PCDH15: variants seen among roughly 807,000 people sequenced by gnomAD.
PCDH15 encodes the protein protocadherin related 15.
Under a neutral mutation model 178.5 loss-of-function variants are expected in PCDH15, and 129 were observed. That is an observed-to-expected ratio of 0.72 (90% confidence interval 0.63 to 0.84). The LOEUF is 0.84. Among genes scored for constraint, PCDH15 ranks in the 40% least tolerant of loss-of-function variants. PCDH15 has a pLI of 0.00. For synonymous variants in PCDH15, 800 were observed against 732.0 expected, an observed-to-expected ratio of 1.09 and a Z score of -1.50; for missense variants, 2,230 against 2,099.9, an observed-to-expected ratio of 1.06 and a Z score of -1.21.
At chr10:53,986,229 A>C (rs1339246249) in intron 21 of PCDH15, among the ~76,000 whole-genome samples, 1 of 152,240 alleles carries the variant, frequency 6.6e-6, no homozygotes, top group South Asian at 2.1e-4. Context: ...AAATGTGCTC[A>C]ACATCATTAG....
intron 1 of PCDH15, among the ~76,000 whole-genome samples, chr10:54,701,887 G>A (rs2095312418): frequency 6.6e-6 from 1 of 152,030 alleles, no homozygotes; most frequent in Non-Finnish European, 1.5e-5. Context: ...GACAGTATTA[G>A]ACAGATAATC....
chr10:54,684,703 G>A lies in PCDH15; in HGVS notation c.-28-20413C>T, dbSNP rs140734410. Among the ~76,000 whole-genome samples, 834 of 152,142 alleles carry A rather than the reference G, an allele frequency of 5.5e-3. 3 individuals carry two copies. Among genetic ancestry groups the A allele is most frequent in the Non-Finnish European group, 9.4e-3 (640 of 67,950 alleles). On this transcript the variant is annotated intron_variant, in intron 1 of 37. Transcript: ENST00000644397. ...GAAATAATTTAGATCAATACCATGT[G>A]TATATTTAAATCAGATTTTCAAAGT...
chr10:54,961,832 A>G (rs769645001), intron 2 of PCDH15, among the ~76,000 whole-genome samples: 11 of 151,826 alleles, frequency 7.2e-5, no homozygotes, highest in Non-Finnish European at 1.3e-4. Flanking sequence ...GGTCTCCTCT[A>G]CACTCTTTGG....
chr10:54,576,705 G>A (rs4520501), intron 2 of PCDH15, among the ~76,000 whole-genome samples: 1 of 151,922 alleles, frequency 6.6e-6, no homozygotes, highest in Non-Finnish European at 1.5e-5. Flanking sequence ...CAGATAAAAC[G>A]TTGGACACTG....
intron 2 of PCDH15, among the ~76,000 whole-genome samples, chr10:55,582,649 T>A (rs1842647426): frequency 7.0e-6 from 1 of 142,192 alleles, no homozygotes; most frequent in African/African-American, 2.6e-5. Context: ...TTTGCTATAT[T>A]TGATGAACCT....
At chr10:54,836,804 G>T (rs963640890) in intron 3 of PCDH15, among the ~76,000 whole-genome samples, 3 of 151,964 alleles carry the variant, frequency 2.0e-5, no homozygotes, top group Admixed American at 2.0e-4. Flanking sequence ...CAAATAGAAT[G>T]ACAAGCTGAA....
At chr10:54,946,155 C>A (rs1377502151) in intron 2 of PCDH15, among the ~76,000 whole-genome samples, 1 of 151,776 alleles carries the variant, frequency 6.6e-6, no homozygotes, top group African/African-American at 2.4e-5. Flanking sequence ...TGACCAAAGA[C>A]TTCATAGATA....
chr10:54,759,223 T>C (rs1475573249), intron 1 of PCDH15, among the ~76,000 whole-genome samples: 2 of 152,204 alleles, frequency 1.3e-5, no homozygotes, highest in Non-Finnish European at 2.9e-5. Context: ...TAAAGAAAAT[T>C]ATTTTTAGAA....
chr10:54,558,946 A>G (rs2087678220), intron 2 of PCDH15, among the ~76,000 whole-genome samples: 1 of 152,028 alleles, frequency 6.6e-6, no homozygotes, highest in African/African-American at 2.4e-5. Flanking sequence ...CTAAGTACTC[A>G]ATTCAAATAA....
intron 2 of PCDH15, among the ~76,000 whole-genome samples, chr10:55,467,177 T>G (rs550143845): frequency 6.6e-6 from 1 of 152,218 alleles, no homozygotes; most frequent in East Asian, 1.9e-4. Context: ...ATGCCCCAGT[T>G]TGAAACAAAC....
intron 2 of PCDH15, among the ~76,000 whole-genome samples, chr10:55,046,429 G>A (rs759953278): frequency 7.9e-5 from 12 of 151,954 alleles, no homozygotes; most frequent in Non-Finnish European, 1.8e-4. Flanking sequence ...AAGGCTTTGG[G>A]TAATGAAAAT....
chr10:54,974,476 A>G (rs992159998), intron 2 of PCDH15, among the ~76,000 whole-genome samples: 6 of 151,804 alleles, frequency 4.0e-5, no homozygotes, highest in African/African-American at 1.4e-4. Flanking sequence ...ATATACATGA[A>G]CGTGTGTGTA....
chr10:54,385,110 C>T (rs1949757233), intron 3 of PCDH15, among the ~76,000 whole-genome samples: 1 of 152,022 alleles, frequency 6.6e-6, no homozygotes. Context: ...CATTTCTCCT[C>T]TGATTTCAGA....
chr10:55,598,909 A>T (rs1270637669), intron 2 of PCDH15, among the ~76,000 whole-genome samples: 22 of 152,232 alleles, frequency 1.4e-4, no homozygotes, highest in Non-Finnish European at 1.5e-5. Flanking sequence ...TTACACCCGG[A>T]AGATTTCATT....
rs779212198 is a variant in PCDH15 at position 53,806,838 on chromosome 10, G to A, written c.4964C>T (p.Ser1655Leu). The A allele has an allele frequency of 1.9e-6, 3 of 1,613,716 alleles. No individual in the cohort carries two copies. Among genetic ancestry groups the A allele is most frequent in the Non-Finnish European group, 2.5e-6 (3 of 1,179,836 alleles). The change falls in exon 38 of 38, where the codon TCA (serine) becomes TTA (leucine). Residue 1655 changes from serine to leucine, a missense_variant. Transcript: ENST00000644397. Reference sequence around the variant, plus strand: ...TTTTTCAGTAGAAAATGGCCCCTTTGATAATGTGTTCAGAGGTACATTCTC... The same window carrying A: ...TTTTTCAGTAGAAAATGGCCCCTTTAATAATGTGTTCAGAGGTACATTCTC... ...HEENVPLNTL[S>L]KGPFSTEKMN...
rs143171173 is a variant in PCDH15, at chr10:55,526,768, A to G, written c.-156+100857T>C. 4.8e-4 allele frequency among the ~76,000 whole-genome samples: 73 copies of G among 152,188 alleles called. No homozygotes were observed. The East Asian group carries it at 0.01, about 21-fold the overall frequency. On this transcript the variant is annotated intron_variant, in intron 2 of 5. Transcript: ENST00000613346. ...TTCAAACTTGCCATTTCCTAATTAGAGATTCACAGGGGAACACTTGTAGAA... is the reference window on the plus strand; with the variant it reads ...TTCAAACTTGCCATTTCCTAATTAGGGATTCACAGGGGAACACTTGTAGAA...
chr10:55,200,166 C>T (rs527355415), intron 1 of PCDH15, among the ~76,000 whole-genome samples: 1 of 152,256 alleles, frequency 6.6e-6, no homozygotes, highest in East Asian at 1.9e-4. Flanking sequence ...GCACTCAACA[C>T]TAGCTCATGA....
Position 54,755,220 on chromosome 10 carries a change from C to T in PCDH15, c.-29+45705G>A, listed in dbSNP as rs1011736518. On this transcript the variant is annotated intron_variant, in intron 1 of 37. Coordinates refer to ENST00000644397, the MANE Select transcript of PCDH15 (RefSeq NM_001384140.1). ...ATGCTGGGATTACAGCCTTCAGCCA[C>T]TGCACCCAGCCAGGTTTCCCTTTAT... Among the ~76,000 whole-genome samples, 15 of 152,248 alleles carry T rather than the reference C, an allele frequency of 9.9e-5. No individual in the cohort carries two copies. The South Asian group carries it at 2.1e-3, about 21-fold the overall frequency.
chr10:54,861,299 T>A (rs1463653312), intron 3 of PCDH15, among the ~76,000 whole-genome samples: 1 of 151,908 alleles, frequency 6.6e-6, no homozygotes, highest in Non-Finnish European at 1.5e-5. Flanking sequence ...TTACATCTGA[T>A]CCCCAGAAAC....
Sources: allele counts gnomAD v4.1 joint callset (sites outside exome capture counted in the v4.1 genomes callset), GRCh38; gene constraint gnomAD v4.1.1; transcripts MANE v1.5; gene names NCBI Gene and HGNC (gene_info 2026-07-23, HGNC 2026-07-21).